Variants in CATSPER1 observed in about 807,000 individuals in gnomAD.
CATSPER1 encodes cation channel sperm-associated protein 1.
A neutral mutation model predicts 72.7 loss-of-function variants in CATSPER1; 57 were observed. That is an observed-to-expected ratio of 0.78 (90% CI 0.63 to 0.98). The LOEUF (loss-of-function observed/expected upper bound fraction) is 0.98, where lower values mean the gene tolerates loss of function less well. CATSPER1 is among the 50% of genes least tolerant of loss of function. The probability of loss-of-function intolerance (pLI) is 0.00; values close to 1 mark genes in which losing one functional copy is unlikely to be tolerated. For synonymous variants in CATSPER1, 363 were observed against 403.0 expected, an observed-to-expected ratio of 0.90 and a Z score of 1.19; for missense variants, 910 against 1,033.9, an observed-to-expected ratio of 0.88 and a Z score of 1.64.
In CATSPER1 at chr11:66,023,005, GC is replaced by G; in HGVS notation, c.1272del (p.Trp424CysfsTer6). ...ATGAGGAAGGTTAGCTTTTCCCACA[GC>G]CACTGGAAGAGATTGGTAGAGTGTC... ...KKGHSTNLFQ[W>X]LWEKLTFLIQ... is the part of the protein sequence containing the mutation. On this transcript the variant is annotated frameshift_variant, in exon 2 of 12. Transcript: ENST00000312106. LOFTEE classifies it high-confidence loss of function. The G allele has an allele frequency of 6.2e-7, 1 of 1,614,236 alleles. No individual in the cohort carries two copies. Among genetic ancestry groups the G allele is most frequent in the Non-Finnish European group, 8.5e-7 (1 of 1,180,044 alleles).
In CATSPER1 at chr11:66,025,158, A is replaced by T. The variant is rs1358803102; in HGVS notation, c.1216+6T>A. ...AGTTGGCATGGGGGGCCCAGCAAAG[A>T]CTCACTTTTGCGTTTCTGAAATTGC... On this transcript the variant is annotated splice_donor_region_variant and intron_variant, in intron 1 of 11. Coordinates refer to ENST00000312106, the MANE Select transcript of CATSPER1 (RefSeq NM_053054.4). The T allele has an allele frequency of 6.2e-7, 1 of 1,613,952 alleles. No homozygotes were observed. Among genetic ancestry groups the T allele is most frequent in the Non-Finnish European group, 8.5e-7 (1 of 1,179,974 alleles).
Position 66,025,060 on chromosome 11 carries a change from G to T in CATSPER1, c.1216+104C>A, listed in dbSNP as rs374923858. ...AGCCAGTGGGGGACCTGTGCAGGAG[G>T]GTCGGGCCTTACGATCTGCGGAAGG... On this transcript the variant is annotated intron_variant, in intron 1 of 11. Coordinates refer to ENST00000312106, the MANE Select transcript of CATSPER1 (RefSeq NM_053054.4). 30 of 1,404,624 alleles carry T rather than the reference G, an allele frequency of 2.1e-5. 1 individual carries two copies. The South Asian group carries it at 2.4e-4, about 11-fold the overall frequency. 87.0% of individuals were successfully genotyped at this position (1,404,624 alleles called of 1,614,324 possible). A position where few individuals can be genotyped will look rare whatever the true frequency, so the allele number is the denominator to read the frequency against.
chr11:66,018,800 G>A, intron 10 of CATSPER1, 27 bp downstream of exon 10: 2 of 1,611,208 alleles, frequency 1.2e-6, no homozygotes, highest in Non-Finnish European at 8.5e-7. Context: ...TCAGACCCCA[G>A]GCCTCGCTCC....
intron 3 of CATSPER1, 49 bp from the exon 4 acceptor site, chr11:66,021,692 C>G: frequency 3.1e-6 from 5 of 1,611,454 alleles, no homozygotes; most frequent in Non-Finnish European, 4.2e-6. Context: ...CGCCAGCGCC[C>G]CCTTCCCCAT....
chr11:66,025,105 A>C, intron 1 of CATSPER1, 59 bp downstream of exon 1: 13 of 1,608,852 alleles, frequency 8.1e-6, no homozygotes, highest in Non-Finnish European at 1.1e-5. Context: ...GGCCGAGATC[A>C]GGTCTGGATC....
At position 66,017,193 on chromosome 11, in the gene CATSPER1, G is replaced by GTGGGGGGGGGGGGGGGGGGGGC; in HGVS notation, c.2202-20_2202-19insGCCCCCCCCCCCCCCCCCCCCA. 4.1e-6 allele frequency: 2 copies of GTGGGGGGGGGGGGGGGGGGGGC among 493,814 alleles called. No homozygotes were observed. The highest frequency in any genetic ancestry group is 1.6e-5 in the South Asian group (1 of 64,082). The allele number at this position is 493,814 out of a possible 1,614,324, so 30.6% of individuals were successfully genotyped here. A position where few individuals can be genotyped will look rare whatever the true frequency, so the allele number is the denominator to read the frequency against. ...CTGCTGCCTGCGGGTGGGCGGGGGG[G>GTGGGGGGGGGGGGGGGGGGGGC]TCGCAGAGACAGGGGCTGGGCTGAC... is the stretch of plus-strand genomic sequence containing the variant. On this transcript the variant is annotated intron_variant, in intron 10 of 11. Coordinates refer to ENST00000312106, the MANE Select transcript of CATSPER1 (RefSeq NM_053054.4).
At chr11:66,017,011 G>T in intron 11 of CATSPER1, 49 bp downstream of exon 11, 1 of 1,611,968 alleles carries the variant, frequency 6.2e-7, no homozygotes, top group Non-Finnish European at 8.5e-7. Context: ...CTGGCTACAA[G>T]CCCCTGGGGT....
intron 1 of CATSPER1, among the ~76,000 whole-genome samples, 173 bp from the exon 2 acceptor site, chr11:66,023,234 T>G (rs1051143708): frequency 6.6e-6 from 1 of 152,166 alleles, no homozygotes; most frequent in Non-Finnish European, 1.5e-5. Flanking sequence ...GGACTGCAGG[T>G]GCCTGCCACC....
chr11:66,021,990 G>T lies in CATSPER1; in HGVS notation c.1430-111C>A, dbSNP rs542404379. The T allele has an allele frequency of 1.8e-5, 15 of 829,612 alleles. No individual in the cohort carries two copies. In the Admixed American group the frequency reaches 2.1e-4, roughly 11 times the overall value. The allele number at this position is 829,612 out of a possible 1,614,324, so 51.4% of individuals were successfully genotyped here. A position where few individuals can be genotyped will look rare whatever the true frequency, so the allele number is the denominator to read the frequency against. On this transcript the variant is annotated intron_variant, in intron 2 of 11. Transcript: ENST00000312106. ...ATTCCCAGGCTCTCCCCGGCTCTGC[G>T]TAAGCAGCTGCGCGACTTCACTACT...
chr11:66,017,968 G>A (rs2134986103), intron 10 of CATSPER1, among the ~76,000 whole-genome samples: 1 of 152,282 alleles, frequency 6.6e-6, no homozygotes, highest in Non-Finnish European at 1.5e-5. Context: ...GGAGGTCAAG[G>A]CAGGTGGATC....
At position 66,020,462 on chromosome 11, in the gene CATSPER1, T is replaced by C. The variant is rs1288240770; in HGVS notation, c.1992-73A>G. 6.9e-6 allele frequency: 11 copies of C among 1,605,506 alleles called. No homozygotes were observed. The highest frequency in any genetic ancestry group is 1.7e-5 in the Admixed American group (1 of 59,978). On this transcript the variant is annotated intron_variant, in intron 7 of 11. Coordinates refer to ENST00000312106, the MANE Select transcript of CATSPER1 (RefSeq NM_053054.4). The surrounding 1 kb of genome is among the most constrained non-coding windows in gnomAD (Gnocchi z 4.5). ...AGGGGCACCCGGTACTTCTTGTGGG[T>C]TCAGCGTGGCATGACCAGGGTGAGA...
rs543744984 is a variant in CATSPER1 at position 66,025,884 on chromosome 11, C to T, written c.496G>A (p.Val166Met). 7.3e-5 allele frequency: 117 copies of T among 1,613,114 alleles called. No individual in the cohort carries two copies. Among genetic ancestry groups the T allele is most frequent in the South Asian group, 1.2e-4 (11 of 91,018 alleles). ...TGGGAAGCCTCACCGTGGTGGGGCA[C>T]GCCAGAGGAATAGTGGGATAAATTC... is the stretch of plus-strand genomic sequence containing the variant. The part of the protein sequence containing the change: ...GENLSHYSSG[V>M]PHHGEASHHG... The change falls in exon 1 of 12, where the codon GTG (valine) becomes ATG (methionine). Residue 166 changes from valine (V) to methionine (M), a missense_variant. By Grantham distance (21) the Val-to-Met change is conservative (BLOSUM62 1). Transcript: ENST00000312106.
chr11:66,024,144 T>C (rs1856440444), intron 1 of CATSPER1, among the ~76,000 whole-genome samples: 1 of 151,768 alleles, frequency 6.6e-6, no homozygotes, highest in Non-Finnish European at 1.5e-5. Flanking sequence ...TTGTATTTTT[T>C]TGGTAGAGAC....
rs1228916772 is a variant in CATSPER1, at chr11:66,020,542, C to T, written c.1991+22G>A. On this transcript the variant is annotated intron_variant, in intron 7 of 11. Coordinates refer to ENST00000312106, the MANE Select transcript of CATSPER1 (RefSeq NM_053054.4). The surrounding 1 kb of genome is among the most constrained non-coding windows in gnomAD (Gnocchi z 4.5). Reference sequence around the variant, plus strand: ...AGGAAGTGTGGGTGGTGCTGGGCAGCAGAGCAGGGGTGAGTCCTCACTTGA... The same window carrying T: ...AGGAAGTGTGGGTGGTGCTGGGCAGTAGAGCAGGGGTGAGTCCTCACTTGA... 1 of 1,607,546 alleles carries T rather than the reference C, an allele frequency of 6.2e-7. No homozygotes were observed. Among genetic ancestry groups the T allele is most frequent in the Non-Finnish European group, 8.5e-7 (1 of 1,175,278 alleles).
intron 4 of CATSPER1, 38 bp from the exon 5 acceptor site, chr11:66,021,223 G>A (rs1170778902): frequency 1.9e-6 from 3 of 1,581,524 alleles, no homozygotes; most frequent in South Asian, 1.1e-5. Flanking sequence ...TCATCGGTGA[G>A]GGGCGGGGGT....
At chr11:66,024,431 C>A (rs1856450106) in intron 1 of CATSPER1, among the ~76,000 whole-genome samples, 1 of 151,978 alleles carries the variant, frequency 6.6e-6, no homozygotes, top group Non-Finnish European at 1.5e-5. Context: ...GGGTGCACCA[C>A]CACGCCCAGC....
In CATSPER1 at chr11:66,026,184, A is replaced by C. The variant is rs777327151; in HGVS notation, c.196T>G (p.Phe66Val). Residue 66 changes from phenylalanine to valine, a missense_variant, in exon 1 of 12, where the codon TTC (phenylalanine) becomes GTC (valine). By Grantham distance (50) the Phe-to-Val change is conservative. Coordinates refer to ENST00000312106, the MANE Select transcript of CATSPER1 (RefSeq NM_053054.4). Reference sequence around the variant, plus strand: ...TGGGAGGACAAGGCTTGGTCGTGGAAGTCTTGGAACTCCGGAGGGTGGTGA... The same window carrying C: ...TGGGAGGACAAGGCTTGGTCGTGGACGTCTTGGAACTCCGGAGGGTGGTGA... ...ESHHPPEFQD[F>V]HDQALSSHVH... 2 of 1,606,758 alleles carry C rather than the reference A, an allele frequency of 1.2e-6. No homozygotes were observed. Among genetic ancestry groups the C allele is most frequent in the Non-Finnish European group, 1.7e-6 (2 of 1,174,096 alleles).
rs756687982 is a variant in CATSPER1, at chr11:66,020,903, C to T, written c.1835G>A (p.Arg612His). Residue 612 changes from arginine to histidine, a missense_variant, in exon 6 of 12, where the codon CGC becomes CAC. Transcript: ENST00000312106. This position sits in a 1 kb window ranked among gnomAD's most constrained non-coding sequence, Gnocchi z 4.5. ...RALFRKSDPK[R>H]FQNIFTTIFT... ...GATGGTGGTGAAGATGTTCTGGAAG[C>T]GCTTGGGGTCAGATTTGCGGAACAG... 12 of 1,614,046 alleles carry T rather than the reference C, an allele frequency of 7.4e-6. No individual in the cohort carries two copies. In the South Asian group the frequency reaches 7.7e-5, roughly 10 times the overall value.
intron 1 of CATSPER1, 123 bp from the exon 2 acceptor site, chr11:66,023,184 G>A: frequency 1.0e-6 from 1 of 968,616 alleles, no homozygotes; most frequent in South Asian, 1.3e-5. Context: ...CTGCCTCCCG[G>A]GTTCAAGCAA....
Sources: gnomAD v4.1 joint callset for allele counts (sites outside exome capture counted in the v4.1 genomes callset) on GRCh38, gnomAD v4.1.1 for gene constraint, Gnocchi (gnomAD v3.1) non-coding constraint, MANE v1.5 for transcripts, NCBI Gene and HGNC (gene_info 2026-07-23, HGNC 2026-07-21) for gene names.